PDE6A: variants seen among roughly 807,000 people sequenced by gnomAD.
The protein encoded by PDE6A is phosphodiesterase 6A, also known as rod cGMP-specific 3',5'-cyclic phosphodiesterase subunit alpha.
In PDE6A, 84 loss-of-function variants were observed where a neutral mutation model predicts 106.3. The observed-to-expected ratio is 0.79, with a 90% confidence interval of 0.66 to 0.95. The LOEUF is 0.95. PDE6A is among the 40% of genes least tolerant of loss of function. PDE6A has a pLI of 0.00. For synonymous variants in PDE6A, 394 were observed against 386.6 expected (o/e 1.02, Z -0.23); for missense variants, 1,052 against 1,084.9 (o/e 0.97, Z 0.43).
intron 19 of PDE6A, 39 bp downstream of exon 19, chr5:149,867,686 A>G (rs1171595213): frequency 1.3e-6 from 2 of 1,570,482 alleles, no homozygotes; most frequent in South Asian, 1.1e-5. Flanking sequence ...GATGGAGCAC[A>G]CACACCTAAC....
chr5:149,917,477 ATGG>A (rs1448065369), intron 5 of PDE6A, among the ~76,000 whole-genome samples: 4 of 152,288 alleles, frequency 2.6e-5, no homozygotes, highest in African/African-American at 7.2e-5. Context: ...GCAATCAGCA[ATGG>A]TCAACTTCCA....
chr5:149,896,908 T>C (rs1023718659), intron 10 of PDE6A, 132 bp from the exon 11 acceptor site: 9 of 977,012 alleles, frequency 9.2e-6, no homozygotes, highest in Non-Finnish European at 1.4e-5. Flanking sequence ...CCATTTAACA[T>C]CCATTGATGC....
intron 10 of PDE6A, 41 bp downstream of exon 10, chr5:149,898,322 A>T: frequency 6.2e-7 from 1 of 1,600,028 alleles, no homozygotes; most frequent in Non-Finnish European, 8.6e-7. Flanking sequence ...TCTGAGACGC[A>T]GTCTGTATTA....
At position 149,934,724 on chromosome 5, in the gene PDE6A, G is replaced by A; in HGVS notation, c.475-6C>T. 1 of 1,613,564 alleles carries A rather than the reference G, an allele frequency of 6.2e-7. No homozygotes were observed. On this transcript the variant is annotated splice_polypyrimidine_tract_variant and splice_region_variant and intron_variant, in intron 1 of 21. Coordinates refer to ENST00000255266, the MANE Select transcript of PDE6A (RefSeq NM_000440.3). ...AAGTCACAGAAATGCTCATCCTAAA[G>A]GAAGGCAGAGATAAGCACGGACAGG...
chr5:149,886,482 C>T (rs542762662), intron 13 of PDE6A, 108 bp from the exon 14 acceptor site: 1 of 782,018 alleles, frequency 1.3e-6, no homozygotes, highest in Non-Finnish European at 2.2e-6. Context: ...ACTCATGGGT[C>T]TGATCTTGGC....
intron 4 of PDE6A, 57 bp from the exon 5 acceptor site, chr5:149,921,766 T>A: frequency 5.1e-5 from 63 of 1,246,250 alleles, no homozygotes; most frequent in Non-Finnish European, 6.8e-5. Context: ...GGAAAGGAGA[T>A]TAAGATGTCC....
chr5:149,932,014 G>A (rs1203846223), intron 3 of PDE6A: 3 of 1,499,224 alleles, frequency 2.0e-6, no homozygotes, highest in Non-Finnish European at 2.8e-6. Flanking sequence ...TACCTCTAGC[G>A]GCAAAACCAG....
intron 10 of PDE6A, among the ~76,000 whole-genome samples, chr5:149,897,625 C>T (rs893692132): frequency 7.9e-5 from 12 of 152,332 alleles, no homozygotes; most frequent in Admixed American, 2.6e-4. Flanking sequence ...GTCAGCCAGG[C>T]TGAAGCATGG....
rs909052603 is a variant in PDE6A, at chr5:149,860,554, A to G, written c.*341T>C. ...GGTATAAGCCAAGCTTGTTCAACCCACGGCCCGTGGGCCACATGCAGCCCA... is the reference window on the plus strand; with the variant it reads ...GGTATAAGCCAAGCTTGTTCAACCCGCGGCCCGTGGGCCACATGCAGCCCA... On this transcript the variant is annotated 3_prime_UTR_variant, in exon 22 of 22. Coordinates refer to ENST00000255266, the MANE Select transcript of PDE6A (RefSeq NM_000440.3). 1 of 222,856 alleles carries G rather than the reference A, an allele frequency of 4.5e-6. No homozygotes were observed. Among genetic ancestry groups the G allele is most frequent in the African/African-American group, 2.3e-5 (1 of 44,114 alleles). 13.8% of individuals were successfully genotyped at this position (222,856 alleles called of 1,614,324 possible). A position where few individuals can be genotyped will look rare whatever the true frequency, so the allele number is the denominator to read the frequency against.
intron 8 of PDE6A, among the ~76,000 whole-genome samples, chr5:149,902,916 A>G (rs1302863798): frequency 2.6e-5 from 4 of 152,152 alleles, no homozygotes; most frequent in African/African-American, 9.6e-5. Context: ...TTGTCATTGA[A>G]GGGCAGAGAG....
At chr5:149,903,382 A>G (rs1753058801) in intron 8 of PDE6A, among the ~76,000 whole-genome samples, 1 of 149,968 alleles carries the variant, frequency 6.7e-6, no homozygotes, top group Non-Finnish European at 1.5e-5. Context: ...TATATATTGT[A>G]TATTATATAT....
In PDE6A at chr5:149,884,848, T is replaced by C; in HGVS notation, c.1858A>G (p.Lys620Glu). ...YQMKSQNPLAKLHGSSILERH... is the reference protein window; with the variant it reads ...YQMKSQNPLAELHGSSILERH... ...TCCAAGATAGAGGACCCATGGAGCT[T>C]GGCCAGTGGGTTCTGGGATCTGAAT... The change falls in exon 15 of 22, where the codon AAG (lysine) becomes GAG (glutamate). Residue 620 changes from lysine to glutamate, a missense_variant. Lys to Glu is a moderately conservative substitution (Grantham distance 56, BLOSUM62 1). Coordinates refer to ENST00000255266, the MANE Select transcript of PDE6A (RefSeq NM_000440.3). 6.2e-7 allele frequency: 1 copy of C among 1,614,030 alleles called. No homozygotes were observed. The highest frequency in any genetic ancestry group is 1.1e-5 in the South Asian group (1 of 91,082).
chr5:149,866,034 T>C, intron 20 of PDE6A, 136 bp downstream of exon 20: 3 of 701,602 alleles, frequency 4.3e-6, no homozygotes, highest in South Asian at 3.0e-5. Context: ...GAGAATCGAA[T>C]GCCATTAGAG....
chr5:149,942,663 C>T (rs1253538271), intron 1 of PDE6A, among the ~76,000 whole-genome samples: 1 of 152,016 alleles, frequency 6.6e-6, no homozygotes, highest in African/African-American at 2.4e-5. Context: ...TTATTGATCA[C>T]TATCTCTACT....
At chr5:149,933,867 G>T in intron 3 of PDE6A, 63 bp downstream of exon 3, 2 of 1,226,642 alleles carry the variant, frequency 1.6e-6, no homozygotes, top group South Asian at 2.5e-5. Flanking sequence ...TGCCAGTCCT[G>T]ACCACATCAA....
Position 149,914,992 on chromosome 5 carries a change from T to A in PDE6A, c.949A>T (p.Lys317Ter). Residue 317 changes from lysine (K) to a stop codon, truncating the protein, a stop_gained, in exon 6 of 22, where the codon AAG becomes TAG. Coordinates refer to ENST00000255266, the MANE Select transcript of PDE6A (RefSeq NM_000440.3). LOFTEE classifies it high-confidence loss of function. ...TPDGREINFYKVIDYILHGKE... is the reference protein window; with the variant it reads ...TPDGREINFY ...CCATGCAGGATGTAGTCAATGACCTTGTAAAAGTTAATTTCCTGGCAAAAG... is the reference window on the plus strand; with the variant it reads ...CCATGCAGGATGTAGTCAATGACCTAGTAAAAGTTAATTTCCTGGCAAAAG... The A allele has an allele frequency of 6.2e-7, 1 of 1,603,276 alleles. No homozygotes were observed.
intron 3 of PDE6A, among the ~76,000 whole-genome samples, chr5:149,933,216 C>T (rs1471787741): frequency 6.6e-6 from 1 of 152,192 alleles, no homozygotes; most frequent in African/African-American, 2.4e-5. Context: ...AATCCTCCTA[C>T]CTCAGCCTCC....
At chr5:149,886,020 C>T (rs998849102) in intron 14 of PDE6A, among the ~76,000 whole-genome samples, 2 of 152,242 alleles carry the variant, frequency 1.3e-5, no homozygotes, top group African/African-American at 4.8e-5. Context: ...GACTTAATCA[C>T]ATCTGCACAG....
At chr5:149,882,744 A>G (rs1760973172) in intron 17 of PDE6A, among the ~76,000 whole-genome samples, 1 of 152,120 alleles carries the variant, frequency 6.6e-6, no homozygotes, top group Admixed American at 6.5e-5. Context: ...TGTTTTGAAT[A>G]ACACATTAAC....
Sources: gnomAD v4.1 joint callset for allele counts (sites outside exome capture counted in the v4.1 genomes callset) on GRCh38, gnomAD v4.1.1 for gene constraint, MANE v1.5 for transcripts, NCBI Gene and HGNC (gene_info 2026-07-23, HGNC 2026-07-21) for gene names.